Variants in MYH10 observed in about 807,000 individuals in gnomAD.
MYH10 encodes myosin-10.
In MYH10, 55 loss-of-function variants were observed where a neutral mutation model predicts 257.8. The ratio of observed to expected loss-of-function variants is 0.21; its 90% confidence interval spans 0.17 to 0.27. MYH10 has a LOEUF of 0.27. Ranked by LOEUF, MYH10 falls within the 10% of genes least tolerant of loss-of-function variation. MYH10 has a pLI of 1.00. For missense variants in MYH10, 1,631 were observed against 2,500.6 expected, an observed-to-expected ratio of 0.65 and a Z score of 7.42; for synonymous variants, 854 against 921.7, an observed-to-expected ratio of 0.93 and a Z score of 1.33.
intron 2 of MYH10, among the ~76,000 whole-genome samples, chr17:8,605,931 A>C (rs1051579139): frequency 6.6e-6 from 1 of 152,186 alleles, no homozygotes; most frequent in African/African-American, 2.4e-5. Context: ...GTAAAAATGT[A>C]AGAGTTTTCA....
At chr17:8,585,514 C>A (rs1297060740) in intron 4 of MYH10, among the ~76,000 whole-genome samples, 1 of 151,670 alleles carries the variant, frequency 6.6e-6, no homozygotes, top group Non-Finnish European at 1.5e-5. Context: ...TTTGGTGGAT[C>A]CTCAAAGGCA....
At chr17:8,542,517 T>C (rs1322334026) in intron 13 of MYH10, among the ~76,000 whole-genome samples, 5 of 152,200 alleles carry the variant, frequency 3.3e-5, no homozygotes, top group African/African-American at 1.2e-4. Flanking sequence ...ATGGCTGCAT[T>C]ACTGAACTGC....
At chr17:8,630,042 G>A (rs1197323905) in intron 1 of MYH10, among the ~76,000 whole-genome samples, 5 of 151,856 alleles carry the variant, frequency 3.3e-5, no homozygotes, top group African/African-American at 9.7e-5. Context: ...AGCCCATGGT[G>A]AACCCCTCTG....
chr17:8,482,269 C>G (rs1176988483), intron 37 of MYH10, among the ~76,000 whole-genome samples: 1 of 152,230 alleles, frequency 6.6e-6, no homozygotes, highest in African/African-American at 2.4e-5. Context: ...AAAGATGCCA[C>G]ATTTGGCAAG....
In MYH10 at chr17:8,592,287, A is replaced by G. The variant is rs1343365900; in HGVS notation, c.503-3179T>C. 8.5e-5 allele frequency among the ~76,000 whole-genome samples: 13 copies of G among 152,182 alleles called. 1 individual carries two copies. The highest frequency in any genetic ancestry group is 7.9e-4 in the Admixed American group (12 of 15,282). On this transcript the variant is annotated intron_variant, in intron 3 of 42. Transcript: ENST00000360416. ...AGCAAATTAAATCAAAAGTAAGGAGAAGAAAGGAAATGATAAAGAAATCAA... is the reference window on the plus strand; with the variant it reads ...AGCAAATTAAATCAAAAGTAAGGAGGAGAAAGGAAATGATAAAGAAATCAA...
intron 24 of MYH10, chr17:8,511,067 T>TAAAC (rs2081274926): frequency 1.9e-5 from 1 of 51,546 alleles, no homozygotes; most frequent in African/African-American, 9.9e-5. Flanking sequence ...TATACACACA[T>TAAAC]ACATACATAC....
chr17:8,620,276 T>A (rs949622302), intron 2 of MYH10, among the ~76,000 whole-genome samples: 3 of 152,126 alleles, frequency 2.0e-5, no homozygotes. Flanking sequence ...AACTTAAAAA[T>A]CAACATTTTG....
chr17:8,501,031 C>CT, intron 28 of MYH10, 61 bp from the exon 29 acceptor site: 1 of 1,517,130 alleles, frequency 6.6e-7, no homozygotes, highest in Non-Finnish European at 8.9e-7. Context: ...AACACATTTT[C>CT]TTTTTGAAAA....
intron 12 of MYH10, 86 bp downstream of exon 12, chr17:8,546,458 C>A (rs935459550): frequency 1.8e-5 from 18 of 1,008,576 alleles, no homozygotes; most frequent in Non-Finnish European, 2.7e-5. Flanking sequence ...TATATTGATT[C>A]AGTTTGTTAC....
intron 23 of MYH10, among the ~76,000 whole-genome samples, 165 bp downstream of exon 23, chr17:8,513,373 A>T (rs1189201521): frequency 2.6e-4 from 40 of 152,256 alleles, no homozygotes. Context: ...TGTTAACTCT[A>T]TTGGCAAAAT....
intron 2 of MYH10, among the ~76,000 whole-genome samples, chr17:8,615,750 A>G (rs573629096): frequency 1.3e-5 from 2 of 152,230 alleles, no homozygotes; most frequent in Non-Finnish European, 2.9e-5. Context: ...TTTTTAAAAA[A>G]TCAACCATTC....
rs1915971269 is a variant in MYH10, at chr17:8,492,687, C to T, written c.4458+89G>A. The T allele has an allele frequency of 7.4e-6, 10 of 1,342,308 alleles. No individual in the cohort carries two copies. The South Asian group carries it at 1.2e-4, about 17-fold the overall frequency. The allele number at this position is 1,342,308 out of a possible 1,614,324, so 83.1% of individuals were successfully genotyped here. A position where few individuals can be genotyped will look rare whatever the true frequency, so the allele number is the denominator to read the frequency against. On this transcript the variant is annotated intron_variant, in intron 33 of 42. Transcript: ENST00000360416. Reference sequence around the variant, plus strand: ...CCAATTTTGATATAAACATGTATCACATTTAAATGCCTTTAAATAAGATTA... The same window carrying T: ...CCAATTTTGATATAAACATGTATCATATTTAAATGCCTTTAAATAAGATTA...
intron 17 of MYH10, among the ~76,000 whole-genome samples, chr17:8,529,218 C>A (rs966755797): frequency 6.6e-6 from 1 of 152,098 alleles, no homozygotes; most frequent in Non-Finnish European, 1.5e-5. Context: ...GGTGTGGGGT[C>A]GCCACCCCCT....
chr17:8,503,589 A>G (rs1474213325), intron 28 of MYH10, among the ~76,000 whole-genome samples: 3 of 152,130 alleles, frequency 2.0e-5, no homozygotes, highest in Admixed American at 6.5e-5. Context: ...TCCACGACCA[A>G]GTGCCCAGGT....
At chr17:8,479,999 A>G in intron 40 of MYH10, 111 bp downstream of exon 40, 1 of 1,014,250 alleles carries the variant, frequency 9.9e-7, no homozygotes, top group South Asian at 1.5e-5. Context: ...CTCTGGTTAT[A>G]TGTGTTCTCT....
At chr17:8,581,808 G>C (rs1283517521) in intron 4 of MYH10, among the ~76,000 whole-genome samples, 6 of 152,180 alleles carry the variant, frequency 3.9e-5, no homozygotes, top group Non-Finnish European at 7.3e-5. Flanking sequence ...GAGGTGATTT[G>C]AATTACTAAA....
At chr17:8,505,383 C>T (rs1213339581) in intron 27 of MYH10, among the ~76,000 whole-genome samples, 1 of 152,144 alleles carries the variant, frequency 6.6e-6, no homozygotes. Flanking sequence ...GCCTCTCTTC[C>T]ATAGGGCATC....
chr17:8,570,158 A>G (rs113992213), intron 6 of MYH10, among the ~76,000 whole-genome samples: 44 of 152,380 alleles, frequency 2.9e-4, no homozygotes, highest in African/African-American at 1.1e-3. Context: ...CACTTCAATT[A>G]AGAACATATT....
chr17:8,619,479 C>G (rs2085385585), intron 2 of MYH10, among the ~76,000 whole-genome samples: 1 of 152,012 alleles, frequency 6.6e-6, no homozygotes, highest in Admixed American at 6.5e-5. Flanking sequence ...CAGGGAAATC[C>G]TAGGGGGTCC....
Sources: gnomAD v4.1 joint callset for allele counts (sites outside exome capture counted in the v4.1 genomes callset) on GRCh38, gnomAD v4.1.1 for gene constraint, MANE v1.5 for transcripts, NCBI Gene and HGNC (gene_info 2026-07-23, HGNC 2026-07-21) for gene names.